LMAN2L: variants seen among roughly 807,000 people sequenced by gnomAD.
LMAN2L encodes VIP36-like protein.
LMAN2L carries 30 observed loss-of-function variants against 44.3 expected under a neutral mutation model. That is an observed-to-expected ratio of 0.68 (90% CI 0.51 to 0.92). The LOEUF is 0.92. Among genes scored for constraint, LMAN2L ranks in the 40% least tolerant of loss-of-function variants. The probability of loss-of-function intolerance (pLI) is 0.00; values close to 1 mark genes in which losing one functional copy is unlikely to be tolerated. For synonymous variants in LMAN2L, 183 were observed against 171.1 expected, an observed-to-expected ratio of 1.07 and a Z score of -0.54; for missense variants, 429 against 446.1, an observed-to-expected ratio of 0.96 and a Z score of 0.35.
intron 4 of LMAN2L, among the ~76,000 whole-genome samples, chr2:96,728,850 T>C (rs1345145039): frequency 1.5e-4 from 21 of 135,808 alleles, no homozygotes; most frequent in South Asian, 4.8e-4. Flanking sequence ...CCAGCCTGGG[T>C]AACAGAGCAA....
Position 96,712,044 on chromosome 2 carries a change from G to A in LMAN2L, c.508-19C>T. 1.2e-6 allele frequency: 2 copies of A among 1,613,642 alleles called. No homozygotes were observed. The highest frequency in any genetic ancestry group is 1.7e-6 in the Non-Finnish European group (2 of 1,179,628). On this transcript the variant is annotated intron_variant, in intron 4 of 7. Transcript: ENST00000264963. Reference sequence around the variant, plus strand: ...ATACCCGCTGGAAAGCAGAGAGGGGGAAGCAGACACTAAGGAAGAGCACAT... The same window carrying A: ...ATACCCGCTGGAAAGCAGAGAGGGGAAAGCAGACACTAAGGAAGAGCACAT...
chr2:96,717,446 C>G (rs61693944), intron 4 of LMAN2L, among the ~76,000 whole-genome samples: 2 of 149,156 alleles, frequency 1.3e-5, no homozygotes, highest in East Asian at 2.0e-4. Context: ...ATGGGAGGCT[C>G]TATTGAGCCT....
At chr2:96,718,128 G>A (rs2153324969) in intron 4 of LMAN2L, among the ~76,000 whole-genome samples, 1 of 152,160 alleles carries the variant, frequency 6.6e-6, no homozygotes, top group African/African-American at 2.4e-5. Context: ...GCTAATTTTT[G>A]TATTTTTAGT....
chr2:96,737,829 C>T, intron 2 of LMAN2L, 120 bp downstream of exon 2: 2 of 641,772 alleles, frequency 3.1e-6, no homozygotes, highest in Non-Finnish European at 5.7e-6. Flanking sequence ...AATAAAGATC[C>T]TTGATATCCA....
chr2:96,733,000 C>T (rs144175417), intron 4 of LMAN2L, among the ~76,000 whole-genome samples: 3,460 of 152,146 alleles, frequency 0.023, 129 homozygotes, highest in African/African-American at 0.078. Flanking sequence ...CTGCCCACCT[C>T]GGCCTCCCAA....
At chr2:96,716,554 A>G (rs776338796) in intron 4 of LMAN2L, among the ~76,000 whole-genome samples, 15 of 152,214 alleles carry the variant, frequency 9.9e-5, no homozygotes, top group Admixed American at 5.9e-4. Context: ...TGTTTGCAAA[A>G]TGTCCCTTAG....
chr2:96,716,560 C>G (rs1224739279), intron 4 of LMAN2L, among the ~76,000 whole-genome samples: 1 of 152,164 alleles, frequency 6.6e-6, no homozygotes, highest in Non-Finnish European at 1.5e-5. Context: ...CAAAATGTCC[C>G]TTAGGAATCC....
At chr2:96,708,908 CTTTTTTTTTTT>C (rs140328524) in intron 6 of LMAN2L, among the ~76,000 whole-genome samples, 3 of 89,248 alleles carry the variant, frequency 3.4e-5, no homozygotes, top group Non-Finnish European at 6.4e-5. Context: ...TGAAGTTAGA[CTTTTTTTTTTT>C]TTTTTTTTTT....
At chr2:96,715,308 G>A (rs1325973348) in intron 4 of LMAN2L, among the ~76,000 whole-genome samples, 1 of 152,228 alleles carries the variant, frequency 6.6e-6, no homozygotes, top group East Asian at 1.9e-4. Context: ...CGCTGCACCA[G>A]ACAGGGAGCC....
chr2:96,712,358 G>A (rs986475430), intron 4 of LMAN2L, among the ~76,000 whole-genome samples: 3 of 152,104 alleles, frequency 2.0e-5, no homozygotes, highest in African/African-American at 7.2e-5. Flanking sequence ...TAATACCAGG[G>A]GTTTCCTTTT....
At chr2:96,734,713 T>TTA (rs2078478645) in intron 2 of LMAN2L, 187 bp from the exon 3 acceptor site, 1 of 577,910 alleles carries the variant, frequency 1.7e-6, no homozygotes, top group African/African-American at 1.9e-5. Flanking sequence ...ATTCAACTGT[T>TTA]TAGAGATTTA....
chr2:96,730,148 C>A (rs2078362454), intron 4 of LMAN2L, among the ~76,000 whole-genome samples: 1 of 152,072 alleles, frequency 6.6e-6, no homozygotes, highest in Admixed American at 6.6e-5. Flanking sequence ...ACCAGAATTA[C>A]TACTATCTCA....
At chr2:96,707,939 G>C in intron 6 of LMAN2L, 106 bp from the exon 7 acceptor site, 4 of 1,169,042 alleles carry the variant, frequency 3.4e-6, no homozygotes, top group African/African-American at 1.5e-5. Context: ...AACCAGCAGT[G>C]ACCTTGAAAA....
intron 4 of LMAN2L, among the ~76,000 whole-genome samples, chr2:96,732,969 G>C (rs77136282): frequency 1.3e-5 from 2 of 151,838 alleles, no homozygotes; most frequent in African/African-American, 4.8e-5. Context: ...AGCTGGTCTC[G>C]AACTCCTGAC....
Position 96,733,555 on chromosome 2 carries a change from A to C in LMAN2L, c.471T>G (p.Phe157Leu). The C allele has an allele frequency of 6.2e-7, 1 of 1,614,076 alleles. No individual in the cohort carries two copies. Among genetic ancestry groups the C allele is most frequent in the Non-Finnish European group, 8.5e-7 (1 of 1,179,952 alleles). Residue 157 changes from phenylalanine (F) to leucine (L), a missense_variant, in exon 4 of 8, where the codon TTT (phenylalanine) becomes TTG (leucine). Physicochemically the swap from Phe to Leu is conservative, Grantham distance 22. Transcript: ENST00000264963. ...TCTCCTCATTGGGGTAGGTGTCTAC[A>C]AATACTCCCAGCCCCACAAATTTGT... Reference protein sequence around the residue: ...NMDKFVGLGVFVDTYPNEEKQ... With the variant: ...NMDKFVGLGVLVDTYPNEEKQ...
intron 2 of LMAN2L, chr2:96,737,249 T>C (rs2078535426): frequency 2.4e-6 from 1 of 423,804 alleles, no homozygotes; most frequent in Non-Finnish European, 4.6e-6. Flanking sequence ...ACAAATAAAA[T>C]GACCAACAGC....
chr2:96,711,549 T>C (rs550746470), intron 6 of LMAN2L, 107 bp downstream of exon 6: 2 of 723,110 alleles, frequency 2.8e-6, no homozygotes, highest in Non-Finnish European at 2.4e-6. Context: ...AGGCACCTCC[T>C]TCCAGAGCAC....
At chr2:96,721,925 G>C (rs1175245869) in intron 4 of LMAN2L, among the ~76,000 whole-genome samples, 1 of 152,074 alleles carries the variant, frequency 6.6e-6, no homozygotes. Context: ...TTGGAGGGGG[G>C]GTGGTTTCGG....
At chr2:96,707,572 C>T in intron 7 of LMAN2L, 142 bp downstream of exon 7, 1 of 1,271,504 alleles carries the variant, frequency 7.9e-7, no homozygotes, top group Non-Finnish European at 1.1e-6. Context: ...TCATCTGTAA[C>T]TTGAAGGGGA....
Sources: gnomAD v4.1 joint callset for allele counts (sites outside exome capture counted in the v4.1 genomes callset) on GRCh38, gnomAD v4.1.1 for gene constraint, MANE v1.5 for transcripts, NCBI Gene and HGNC (gene_info 2026-07-23, HGNC 2026-07-21) for gene names.